The following RGS10 variants were observed in gnomAD, a reference collection of about 807,000 sequenced individuals.
RGS10 encodes regulator of G-protein signalling 10.
A neutral mutation model predicts 23.5 loss-of-function variants in RGS10; 11 were observed. The ratio of observed to expected loss-of-function variants is 0.47; its 90% confidence interval spans 0.29 to 0.77. The LOEUF is 0.77. Among genes scored for constraint, RGS10 ranks in the 30% least tolerant of loss-of-function variants. The probability of loss-of-function intolerance (pLI) is 0.08; values close to 1 mark genes in which losing one functional copy is unlikely to be tolerated. For synonymous variants in RGS10, 77 were observed against 83.2 expected (o/e 0.92, Z 0.41); for missense variants, 180 against 226.3 (o/e 0.80, Z 1.31).
In RGS10 at chr10:119,527,036, G is replaced by A. The variant is rs566881413; in HGVS notation, c.168+270C>T. Among the ~76,000 whole-genome samples, 1 of 152,130 alleles carries A rather than the reference G, an allele frequency of 6.6e-6. No homozygotes were observed. Among genetic ancestry groups the A allele is most frequent in the Non-Finnish European group, 1.5e-5 (1 of 67,972 alleles). On this transcript the variant is annotated intron_variant, in intron 2 of 4. Transcript: ENST00000369103. The surrounding 1 kb of genome is among the most constrained non-coding windows in gnomAD (Gnocchi z 4.2). ...CATACAGACTCCACCAATAGGCACG[G>A]TATCTTCTCTCTCCTCCCACCCTGT...
At chr10:119,536,520 T>C (rs1844390655) in intron 1 of RGS10, 1 of 1,607,284 alleles carries the variant, frequency 6.2e-7, no homozygotes, top group Non-Finnish European at 8.5e-7. Flanking sequence ...ATCCACTGCC[T>C]TCCCAGAGAC....
At chr10:119,521,029 G>C (rs990228902) in intron 3 of RGS10, among the ~76,000 whole-genome samples, 1 of 152,104 alleles carries the variant, frequency 6.6e-6, no homozygotes, top group African/African-American at 2.4e-5. Flanking sequence ...AATGAACTCC[G>C]CCTCTGCCTC....
At chr10:119,510,150 G>A (rs1844061417) in intron 4 of RGS10, among the ~76,000 whole-genome samples, 1 of 152,154 alleles carries the variant, frequency 6.6e-6, no homozygotes, top group African/African-American at 2.4e-5. Context: ...GAGCCAAGGG[G>A]CTCAGGCTGT....
intron 1 of RGS10, among the ~76,000 whole-genome samples, chr10:119,531,446 G>A (rs1844328673): frequency 6.6e-6 from 1 of 152,186 alleles, no homozygotes; most frequent in Admixed American, 6.5e-5. Flanking sequence ...ACACACAGTA[G>A]ATTACCATTT....
chr10:119,505,973 G>A (rs1844007993), intron 4 of RGS10, among the ~76,000 whole-genome samples: 1 of 152,208 alleles, frequency 6.6e-6, no homozygotes, highest in Non-Finnish European at 1.5e-5. Flanking sequence ...TAAGAACTTG[G>A]TTTCGCTTGT....
Position 119,499,903 on chromosome 10 carries a change from T to G in RGS10, c.*210A>C, listed in dbSNP as rs1390928974. The G allele has an allele frequency of 3.9e-6, 2 of 514,806 alleles. No homozygotes were observed. The highest frequency in any genetic ancestry group is 6.7e-6 in the Non-Finnish European group (2 of 297,456). The allele number at this position is 514,806 out of a possible 1,614,324, so 31.9% of individuals were successfully genotyped here. A position where few individuals can be genotyped will look rare whatever the true frequency, so the allele number is the denominator to read the frequency against. ...TTGAAGGAATCTCTGTTTTGTAAAC[T>G]AAAACTTCCAAGTTATTATTATTCT... On this transcript the variant is annotated 3_prime_UTR_variant, in exon 5 of 5. Coordinates refer to ENST00000369103, the MANE Select transcript of RGS10 (RefSeq NM_001005339.2).
chr10:119,541,853 G>T (rs1844438025), intron 1 of RGS10, among the ~76,000 whole-genome samples: 1 of 152,198 alleles, frequency 6.6e-6, no homozygotes, highest in Non-Finnish European at 1.5e-5. Flanking sequence ...AGCCCTTGGC[G>T]CACCCAAAGG....
chr10:119,500,070 T>C lies in RGS10; in HGVS notation c.*43A>G. 6.2e-7 allele frequency: 1 copy of C among 1,600,954 alleles called. No individual in the cohort carries two copies. The highest frequency in any genetic ancestry group is 1.3e-5 in the African/African-American group (1 of 74,128). ...AACCCGGCACGGTCCTGAGAGGAAA[T>C]TCCTTTGCTTCTTAAAGCTGCCAGT... On this transcript the variant is annotated 3_prime_UTR_variant, in exon 5 of 5. Coordinates refer to ENST00000369103, the MANE Select transcript of RGS10 (RefSeq NM_001005339.2).
chr10:119,525,939 TATGAATCAG>T lies in RGS10; in HGVS notation c.255+84_255+92del. 9.9e-6 allele frequency: 6 copies of T among 603,356 alleles called. No homozygotes were observed. The South Asian group carries it at 1.5e-4, about 15-fold the overall frequency. The allele number at this position is 603,356 out of a possible 1,614,324, so 37.4% of individuals were successfully genotyped here. On this transcript the variant is annotated intron_variant, in intron 3 of 4. Coordinates refer to ENST00000369103, the MANE Select transcript of RGS10 (RefSeq NM_001005339.2). ...AGCTTAAATCTTCCCCCAAAACTAA[TATGAATCAG>T]GTTTCTTTAGGCAACTTCAGAATCT... is the stretch of plus-strand genomic sequence containing the variant.
chr10:119,537,313 T>C (rs551434622), intron 1 of RGS10, among the ~76,000 whole-genome samples: 352 of 143,982 alleles, frequency 2.4e-3, no homozygotes, highest in African/African-American at 8.4e-3. Flanking sequence ...ACCCCGGAGG[T>C]AGAGGTTGCC....
At chr10:119,521,268 AAAAAG>A (rs892201756) in intron 3 of RGS10, among the ~76,000 whole-genome samples, 1 of 152,106 alleles carries the variant, frequency 6.6e-6, no homozygotes, top group Admixed American at 6.6e-5. Context: ...ACCCTGTCTC[AAAAAG>A]AAAAGAAAAG....
chr10:119,518,830 A>G (rs2420630), intron 3 of RGS10, among the ~76,000 whole-genome samples: 83,928 of 151,460 alleles, frequency 0.55, 25,454 homozygotes, highest in South Asian at 0.73. Flanking sequence ...TCAACCTCCC[A>G]AGTAGCTGGG....
intron 1 of RGS10, among the ~76,000 whole-genome samples, chr10:119,539,992 A>C (rs1844422178): frequency 6.6e-6 from 1 of 151,856 alleles, no homozygotes; most frequent in Non-Finnish European, 1.5e-5. Flanking sequence ...ACAGGGTCCC[A>C]AAAATCACTT....
chr10:119,513,327 G>A (rs1174199921), intron 4 of RGS10, among the ~76,000 whole-genome samples: 1 of 152,076 alleles, frequency 6.6e-6, no homozygotes, highest in Non-Finnish European at 1.5e-5. Context: ...GGGCATGGTG[G>A]CACACACCTG....
rs115104862 is a variant in RGS10 at position 119,504,503 on chromosome 10, A to G, written c.400-4244T>C. The stretch of plus-strand genomic sequence containing the variant: ...AAATACATTCTTTAAGAGTGTATCC[A>G]TGTGTCTAAGTGAGAAACAATATGT... On this transcript the variant is annotated intron_variant, in intron 4 of 4. Transcript: ENST00000369103. Among the ~76,000 whole-genome samples, 714 of 152,276 alleles carry G rather than the reference A, an allele frequency of 4.7e-3. 4 individuals are homozygous for G. Among genetic ancestry groups the G allele is most frequent in the African/African-American group, 0.017 (689 of 41,560 alleles).
At chr10:119,503,759 C>T (rs1229474264) in intron 4 of RGS10, among the ~76,000 whole-genome samples, 1 of 152,228 alleles carries the variant, frequency 6.6e-6, no homozygotes. Flanking sequence ...ACCACACCTT[C>T]TCCCTGCGTC....
At chr10:119,522,718 C>CA (rs111696085) in intron 3 of RGS10, among the ~76,000 whole-genome samples, 51,504 of 113,474 alleles carry the variant, frequency 0.45, 10,468 homozygotes, top group East Asian at 0.68. Context: ...AACTCCGTCT[C>CA]AAAAAAAAAA....
chr10:119,514,311 C>T (rs1425427465), intron 4 of RGS10, among the ~76,000 whole-genome samples: 1 of 151,606 alleles, frequency 6.6e-6, no homozygotes, highest in African/African-American at 2.4e-5. Context: ...GAGCCGAGAT[C>T]GAGCCACTGC....
In RGS10 at chr10:119,517,858, C is replaced by T. The variant is rs905392462; in HGVS notation, c.256-2206G>A. 3.3e-5 allele frequency among the ~76,000 whole-genome samples: 5 copies of T among 152,264 alleles called. No individual in the cohort carries two copies. The highest frequency in any genetic ancestry group is 3.4e-3 in the Middle Eastern group (1 of 294). On this transcript the variant is annotated intron_variant, in intron 3 of 4. Transcript: ENST00000369103. This position sits in a 1 kb window ranked among gnomAD's most constrained non-coding sequence, Gnocchi z 5.0. Reference sequence around the variant, plus strand: ...GTATATAAGCTTTGAGGGTCTCAGCCCTGCCCTCTTCCACCGGCTGTCCCT... The same window carrying T: ...GTATATAAGCTTTGAGGGTCTCAGCTCTGCCCTCTTCCACCGGCTGTCCCT...
Sources: gnomAD v4.1 joint callset for allele counts (sites outside exome capture counted in the v4.1 genomes callset) on GRCh38, gnomAD v4.1.1 for gene constraint, Gnocchi (gnomAD v3.1) non-coding constraint, MANE v1.5 for transcripts, NCBI Gene and HGNC (gene_info 2026-07-23, HGNC 2026-07-21) for gene names.